The following FRMD7 variants were observed in gnomAD, a reference collection of about 807,000 sequenced individuals.
FRMD7 encodes the protein FERM domain-containing protein 7.
FRMD7 carries 14 observed loss-of-function variants against 44.1 expected under a neutral mutation model. The ratio of observed to expected loss-of-function variants is 0.32; its 90% CI spans 0.21 to 0.50. FRMD7 has a LOEUF of 0.50. FRMD7 is among the 20% of genes least tolerant of loss of function. FRMD7 has a pLI of 0.99. For missense variants in FRMD7, 501 were observed against 522.3 expected (o/e 0.96, Z 0.40); for synonymous variants, 212 against 187.4 (o/e 1.13, Z -1.07).
intron 4 of FRMD7, among the ~76,000 whole-genome samples, chrX:132,095,638 C>T (rs1410840330): frequency 8.9e-6 from 1 of 112,043 alleles, no homozygotes; most frequent in Non-Finnish European, 1.9e-5. Flanking sequence ...AAATTATGAG[C>T]TCTCCTTATA....
intron 9 of FRMD7, among the ~76,000 whole-genome samples, chrX:132,081,156 A>T (rs576655508): frequency 8.9e-6 from 1 of 111,793 alleles, no homozygotes; most frequent in African/African-American, 3.2e-5. Flanking sequence ...AAGATGGTGA[A>T]ACCCCGTCTC....
At position 132,077,777 on chromosome X, in the gene FRMD7, T is replaced by G; in HGVS notation, c.*95A>C. 1.7e-6 allele frequency: 2 copies of G among 1,155,675 alleles called. No homozygotes were observed. Among genetic ancestry groups the G allele is most frequent in the Admixed American group, 2.3e-5 (1 of 43,805 alleles). Reference sequence around the variant, plus strand: ...GAGATTTCCTTAATACCAATGAATATGTAGTAACCAAGAAAATGGTTTCTA... The same window carrying G: ...GAGATTTCCTTAATACCAATGAATAGGTAGTAACCAAGAAAATGGTTTCTA... On this transcript the variant is annotated 3_prime_UTR_variant, in exon 12 of 12. Coordinates refer to ENST00000298542, the MANE Select transcript of FRMD7 (RefSeq NM_194277.3).
In FRMD7 at chrX:132,096,440, G is replaced by A. The variant is rs769436308; in HGVS notation, c.284+826C>T. Among the ~76,000 whole-genome samples, 4 of 110,663 alleles carry A rather than the reference G, an allele frequency of 3.6e-5. No homozygotes were observed. The South Asian group carries it at 1.6e-3, about 43-fold the overall frequency. ...CGTATAGGAGTCTAAATCTAAGCCA[G>A]GTGTGGTGGCTCATGCCTGTAATCC... On this transcript the variant is annotated intron_variant, in intron 4 of 11. Coordinates refer to ENST00000298542, the MANE Select transcript of FRMD7 (RefSeq NM_194277.3).
At chrX:132,079,981 A>T in intron 11 of FRMD7, 25 bp downstream of exon 11, 1 of 1,010,022 alleles carries the variant, frequency 9.9e-7, no homozygotes, top group East Asian at 3.0e-5. Context: ...TTATCTAAAG[A>T]AGTAGAAATT....
chrX:132,083,274 A>C (rs1025244271), intron 8 of FRMD7, among the ~76,000 whole-genome samples: 2 of 112,066 alleles, frequency 1.8e-5, no homozygotes, highest in African/African-American at 6.5e-5. Context: ...TTTTTAGTGT[A>C]ACAGTTAGAA....
chrX:132,098,988 G>A (rs769273475), intron 3 of FRMD7, among the ~76,000 whole-genome samples: 2 of 112,001 alleles, frequency 1.8e-5, no homozygotes, highest in East Asian at 2.8e-4. Context: ...AAACTCAGGC[G>A]ATCCTAATGC....
intron 8 of FRMD7, among the ~76,000 whole-genome samples, chrX:132,083,461 T>C (rs1405328535): frequency 1.8e-5 from 2 of 111,053 alleles, no homozygotes; most frequent in East Asian, 5.7e-4. Flanking sequence ...CCCACTGCAC[T>C]GACCCCACTT....
intron 5 of FRMD7, among the ~76,000 whole-genome samples, chrX:132,092,685 C>T (rs990627819): frequency 3.6e-5 from 4 of 111,662 alleles, no homozygotes; most frequent in African/African-American, 1.3e-4. Context: ...AAATTGAGCT[C>T]CCCCGTCAGA....
At position 132,077,583 on chromosome X, in the gene FRMD7, C is replaced by T. The variant is rs1927642669; in HGVS notation, c.*289G>A. ...CATTGAAGAGCCTGACCTTCACTCA[C>T]AATGTCTCTATGAGGAAGTATGCAG... is the stretch of plus-strand genomic sequence containing the variant. On this transcript the variant is annotated 3_prime_UTR_variant, in exon 12 of 12. Transcript: ENST00000298542. 6.2e-6 allele frequency: 2 copies of T among 324,922 alleles called. No homozygotes were observed. The highest frequency in any genetic ancestry group is 5.1e-5 in the Admixed American group (1 of 19,761). 26.8% of individuals were successfully genotyped at this position (324,922 alleles called of 1,213,427 possible).
chrX:132,101,667 AT>A (rs1255677700), intron 1 of FRMD7, among the ~76,000 whole-genome samples: 1 of 112,355 alleles, frequency 8.9e-6, no homozygotes, highest in East Asian at 2.8e-4. Context: ...AGTAGATTTC[AT>A]TTTGTAGCTT....
intron 4 of FRMD7, 105 bp from the exon 5 acceptor site, chrX:132,094,244 C>A: frequency 1.8e-6 from 1 of 553,636 alleles, no homozygotes; most frequent in East Asian, 3.5e-5. Context: ...ATGGTGCCCC[C>A]AGTCAGTCAG....
chrX:132,085,850 C>T lies in FRMD7; in HGVS notation c.497+70G>A. On this transcript the variant is annotated intron_variant, in intron 6 of 11. Coordinates refer to ENST00000298542, the MANE Select transcript of FRMD7 (RefSeq NM_194277.3). ...GAAACTTCTCAGGTTTAAGGGCTTG[C>T]TCTTAAGAGTCTGTCCCCAATTTTA... The T allele has an allele frequency of 2.9e-6, 3 of 1,023,713 alleles. No individual in the cohort carries two copies. In the Admixed American group the frequency reaches 6.6e-5, roughly 22 times the overall value. The allele number at this position is 1,023,713 out of a possible 1,213,427, so 84.4% of individuals were successfully genotyped here.
chrX:132,100,981 C>T (rs1569345393), intron 1 of FRMD7, among the ~76,000 whole-genome samples: 1 of 112,029 alleles, frequency 8.9e-6, no homozygotes. Context: ...ATGGCTACAT[C>T]TGCAAATTTA....
At chrX:132,125,180 C>T (rs1929125867) in intron 1 of FRMD7, among the ~76,000 whole-genome samples, 1 of 111,622 alleles carries the variant, frequency 9.0e-6, no homozygotes, top group Non-Finnish European at 1.9e-5. Flanking sequence ...GCTTCTTAGT[C>T]AGGAGGCCTG....
At chrX:132,098,324 C>A (rs993074008) in intron 3 of FRMD7, among the ~76,000 whole-genome samples, 1 of 112,386 alleles carries the variant, frequency 8.9e-6, no homozygotes, top group Non-Finnish European at 1.9e-5. Context: ...GGTAGGAATA[C>A]GAGGTAGCTA....
chrX:132,079,097 T>TATCTAGGGTAGATA, intron 11 of FRMD7, 131 bp from the exon 12 acceptor site: 4 of 564,534 alleles, frequency 7.1e-6, no homozygotes, highest in Non-Finnish European at 1.2e-5. Context: ...CCATGTTCTA[T>TATCTAGGGTAGATA]TCTAGGGTAG....
At chrX:132,126,809 A>C (rs1929167160) in intron 1 of FRMD7, among the ~76,000 whole-genome samples, 1 of 112,242 alleles carries the variant, frequency 8.9e-6, no homozygotes, top group African/African-American at 3.2e-5. Flanking sequence ...CCTTTTGCGC[A>C]TAAAACTGAA....
Position 132,080,053 on chromosome X carries a change from G to A in FRMD7, c.1003C>T (p.Arg335Ter), listed in dbSNP as rs137852208. ...AGGTCTGGTGAGGACCTGCACTGTC[G>A]TTCATGGTACTGAGATGGGTAATGT... ...RKHYPSQYHE[R>*]QCRSSPDLLS... Residue 335 changes from arginine (R) to a stop codon, truncating the protein, a stop_gained, in exon 11 of 12, where the codon CGA (arginine) becomes TGA (stop). Coordinates refer to ENST00000298542, the MANE Select transcript of FRMD7 (RefSeq NM_194277.3). LOFTEE classifies it high-confidence loss of function. 2.5e-6 allele frequency: 3 copies of A among 1,202,602 alleles called. No individual in the cohort carries two copies. Among genetic ancestry groups the A allele is most frequent in the Non-Finnish European group, 3.4e-6 (3 of 887,191 alleles).
In FRMD7 at chrX:132,100,720, A is replaced by G; in HGVS notation, c.58-4T>C. 8.7e-7 allele frequency: 1 copy of G among 1,153,033 alleles called. No individual in the cohort carries two copies. The highest frequency in any genetic ancestry group is 1.2e-6 in the Non-Finnish European group (1 of 842,548). On this transcript the variant is annotated splice_polypyrimidine_tract_variant and splice_region_variant and intron_variant, in intron 1 of 11. Transcript: ENST00000298542. ...ATGCCTTCCCGGATGACTTTTGCTA[A>G]ACAAAACAAAAAGATGATAGCACAA...
Sources: gnomAD v4.1 joint callset for allele counts (sites outside exome capture counted in the v4.1 genomes callset) on GRCh38, gnomAD v4.1.1 for gene constraint, MANE v1.5 for transcripts, NCBI Gene and HGNC (gene_info 2026-07-23, HGNC 2026-07-21) for gene names.